The following SOX6 variants were observed in gnomAD, a reference collection of about 807,000 sequenced individuals.
SOX6 encodes SRY-box transcription factor 6.
Under a neutral mutation model 97.8 loss-of-function variants are expected in SOX6, and 11 were observed. The ratio of observed to expected loss-of-function variants is 0.11; its 90% CI spans 0.07 to 0.19. SOX6 has a LOEUF of 0.19. Among genes scored for constraint, SOX6 ranks in the 10% least tolerant of loss-of-function variants. The probability of loss-of-function intolerance (pLI) is 1.00; values close to 1 mark genes in which losing one functional copy is unlikely to be tolerated. For synonymous variants in SOX6, 360 were observed against 371.4 expected (o/e 0.97, Z 0.35); for missense variants, 810 against 1,039.5 (o/e 0.78, Z 3.04).
rs1293278617 is a variant in SOX6 at position 16,300,763 on chromosome 11, C to CA, written c.445+17682dup. Among the ~76,000 whole-genome samples, 1 of 152,092 alleles carries CA rather than the reference C, an allele frequency of 6.6e-6. No homozygotes were observed. Among genetic ancestry groups the CA allele is most frequent in the Non-Finnish European group, 1.5e-5 (1 of 68,012 alleles). ...TTCACTTCTACCTAGGCCACCTCAA[C>CA]ACTTCTAGATCTACATGTCTAAGAA... On this transcript the variant is annotated intron_variant, in intron 3 of 15. Transcript: ENST00000683767. The surrounding 1 kb of genome is among the most constrained non-coding windows in gnomAD (Gnocchi z 4.1).
chr11:16,088,637 T>C (rs1848623279), intron 9 of SOX6, among the ~76,000 whole-genome samples: 2 of 152,308 alleles, frequency 1.3e-5, no homozygotes, highest in South Asian at 4.1e-4. Context: ...ACTCTAATGA[T>C]ACAATAAGTG....
At position 16,300,302 on chromosome 11, in the gene SOX6, A is replaced by G. The variant is rs1002926980; in HGVS notation, c.445+18144T>C. Among the ~76,000 whole-genome samples the G allele has an allele frequency of 6.6e-6, 1 of 152,184 alleles. No individual in the cohort carries two copies. Among genetic ancestry groups the G allele is most frequent in the Non-Finnish European group, 1.5e-5 (1 of 68,020 alleles). ...AAATGGAGAAAGTCCACAATATTAG[A>G]CATTTTTACTGTCCCTTCCTTAAGA... On this transcript the variant is annotated intron_variant, in intron 3 of 15. Coordinates refer to ENST00000683767, the MANE Select transcript of SOX6 (RefSeq NM_001367873.1). This position sits in a 1 kb window ranked among gnomAD's most constrained non-coding sequence, Gnocchi z 4.1.
rs1327586405 is a variant in SOX6 at position 16,132,389 on chromosome 11, AGAAAGAAAGAAAAAAGAAAG to A, written c.778-20486_778-20467del. ...AAGAAAGAAAGAAAGAAAGAAAGAA[AGAAAGAAAGAAAAAAGAAAG>A]AAAGAAAGAAAGAAAGAAAGAAAGA... is the stretch of plus-strand genomic sequence containing the variant. On this transcript the variant is annotated intron_variant, in intron 6 of 15. Coordinates refer to ENST00000683767, the MANE Select transcript of SOX6 (RefSeq NM_001367873.1). Among the ~76,000 whole-genome samples the A allele has an allele frequency of 2.5e-3, 220 of 89,224 alleles. 3 individuals carry two copies. The highest frequency in any genetic ancestry group is 3.7e-3 in the Non-Finnish European group (173 of 46,862). The allele number at this position is 89,224 out of a possible 152,430, so 58.5% of individuals were successfully genotyped here. A position where few individuals can be genotyped will look rare whatever the true frequency, so the allele number is the denominator to read the frequency against.
At chr11:15,973,623 T>C (rs1386720998) in intron 15 of SOX6, among the ~76,000 whole-genome samples, 1 of 152,264 alleles carries the variant, frequency 6.6e-6, no homozygotes, top group East Asian at 1.9e-4. Flanking sequence ...AAAGCATTTA[T>C]TTGTTATTCA....
intron 3 of SOX6, among the ~76,000 whole-genome samples, chr11:16,297,655 C>T (rs1855136821): frequency 6.6e-6 from 1 of 152,210 alleles, no homozygotes. Flanking sequence ...CACTGCACTA[C>T]TCTCTGGCTC....
chr11:16,341,556 A>G (rs186983783), intron 1 of SOX6, among the ~76,000 whole-genome samples: 1 of 152,064 alleles, frequency 6.6e-6, no homozygotes, highest in East Asian at 1.9e-4. Flanking sequence ...TTTTCCTCCT[A>G]GTTTTCTTAA....
chr11:16,317,843 T>C (rs908397572), intron 3 of SOX6: 6 of 283,198 alleles, frequency 2.1e-5, no homozygotes, highest in African/African-American at 1.3e-4. Context: ...TATTGGAGAG[T>C]CTTCTTTCAT....
At chr11:16,604,470 G>A (rs765395380) in intron 4 of SOX6, among the ~76,000 whole-genome samples, 100 of 152,206 alleles carry the variant, frequency 6.6e-4, no homozygotes, top group Non-Finnish European at 1.2e-4. Flanking sequence ...CTACTCCCCC[G>A]GGTTGCTGGC....
At chr11:16,249,574 T>A (rs1565046921) in intron 3 of SOX6, among the ~76,000 whole-genome samples, 1 of 152,204 alleles carries the variant, frequency 6.6e-6, no homozygotes. Flanking sequence ...TGTTATCCAG[T>A]TCCAAAGTCA....
intron 3 of SOX6, among the ~76,000 whole-genome samples, chr11:16,291,386 T>TAAATAAATAAAC (rs1456089963): frequency 6.6e-6 from 1 of 151,240 alleles, no homozygotes. Flanking sequence ...AATAAATAAA[T>TAAATAAATAAAC]AAACAAATAA....
intron 1 of SOX6, among the ~76,000 whole-genome samples, chr11:16,424,693 TG>T (rs1859090182): frequency 6.6e-6 from 1 of 152,238 alleles, no homozygotes; most frequent in Non-Finnish European, 1.5e-5. Flanking sequence ...AATTCCTAGA[TG>T]TGAGATACAC....
chr11:16,622,904 T>C (rs561046462), intron 3 of SOX6, among the ~76,000 whole-genome samples: 4 of 152,300 alleles, frequency 2.6e-5, no homozygotes, highest in Non-Finnish European at 5.9e-5. Context: ...CTTTTCACCA[T>C]ATCCACACTA....
intron 4 of SOX6, among the ~76,000 whole-genome samples, chr11:16,568,028 C>A (rs576045906): frequency 6.6e-6 from 1 of 152,022 alleles, no homozygotes; most frequent in Non-Finnish European, 1.5e-5. Context: ...GTGACACTTT[C>A]GCTTTCTGAT....
chr11:16,711,842 T>C (rs1428771288), intron 3 of SOX6, among the ~76,000 whole-genome samples: 7 of 152,116 alleles, frequency 4.6e-5, no homozygotes, highest in Admixed American at 4.6e-4. Context: ...CCGCACCACA[T>C]GTGTAGTCTT....
intron 6 of SOX6, among the ~76,000 whole-genome samples, chr11:16,148,048 T>C (rs1203445119): frequency 6.6e-6 from 1 of 152,168 alleles, no homozygotes; most frequent in Non-Finnish European, 1.5e-5. Flanking sequence ...AAACAAGCGA[T>C]CTGTAATAAT....
rs143194029 is a variant in SOX6 at position 16,330,169 on chromosome 11, G to A, written c.237+10843C>T. ...AAGACACTAAGAATTCCTTAGAGAT[G>A]TCATGTTTTAAAGATTTCATGCCAT... On this transcript the variant is annotated intron_variant, in intron 2 of 15. Transcript: ENST00000683767. Among the ~76,000 whole-genome samples, 544 of 152,286 alleles carry A rather than the reference G, an allele frequency of 3.6e-3. 16 individuals carry two copies. The highest frequency in any genetic ancestry group is 0.028 in the East Asian group (147 of 5,176).
At chr11:16,215,586 C>T (rs35540641) in intron 4 of SOX6, among the ~76,000 whole-genome samples, 31,125 of 152,108 alleles carry the variant, frequency 0.2, 3,838 homozygotes, top group Admixed American at 0.31. Context: ...AGATGATTCA[C>T]TGTTGCGTTG....
At chr11:16,203,463 T>C (rs547209824) in intron 4 of SOX6, among the ~76,000 whole-genome samples, 5 of 152,250 alleles carry the variant, frequency 3.3e-5, no homozygotes, top group African/African-American at 1.2e-4. Context: ...GGTAATATAC[T>C]TTGAATTCAG....
chr11:16,491,457 A>G (rs1860509034), intron 4 of SOX6, among the ~76,000 whole-genome samples: 1 of 152,020 alleles, frequency 6.6e-6, no homozygotes, highest in African/African-American at 2.4e-5. Context: ...CCCCAAATTA[A>G]TCTGGAGATT....
Sources: allele counts gnomAD v4.1 joint callset (sites outside exome capture counted in the v4.1 genomes callset), GRCh38; gene constraint gnomAD v4.1.1; non-coding constraint Gnocchi (gnomAD v3.1); transcripts MANE v1.5; gene names NCBI Gene and HGNC (gene_info 2026-07-23, HGNC 2026-07-21).